The following SYCP1 variants were observed in gnomAD, a reference collection of about 807,000 sequenced individuals.
SYCP1 encodes cancer/testis antigen 8.
In SYCP1, 64 loss-of-function variants were observed where a neutral mutation model predicts 153.1. That is an observed-to-expected ratio of 0.42 (90% CI 0.34 to 0.51). The LOEUF (loss-of-function observed/expected upper bound fraction) is 0.51, where lower values mean the gene tolerates loss of function less well. Among genes scored for constraint, SYCP1 ranks in the 20% least tolerant of loss-of-function variants. The pLI is 0.06. For synonymous variants in SYCP1, 384 were observed against 341.8 expected (o/e 1.12, Z -1.36); for missense variants, 997 against 1,049.0 (o/e 0.95, Z 0.68).
chr1:114,924,042 A>G (rs1048848658), intron 21 of SYCP1, among the ~76,000 whole-genome samples: 1 of 152,170 alleles, frequency 6.6e-6, no homozygotes, highest in Non-Finnish European at 1.5e-5. Context: ...TTTTTCATTC[A>G]TTCAACAAAT....
At chr1:114,890,133 C>T (rs1292562340) in intron 15 of SYCP1, among the ~76,000 whole-genome samples, 1 of 151,682 alleles carries the variant, frequency 6.6e-6, no homozygotes, top group African/African-American at 2.4e-5. Context: ...TTTAGCATTG[C>T]CTTAGATGTT....
intron 30 of SYCP1, 31 bp from the exon 31 acceptor site, chr1:114,994,667 C>A: frequency 6.8e-7 from 1 of 1,480,076 alleles, no homozygotes; most frequent in Non-Finnish European, 9.1e-7. Flanking sequence ...GATGGTAAAC[C>A]CAACATCATA....
intron 23 of SYCP1, among the ~76,000 whole-genome samples, chr1:114,935,645 A>G (rs370589318): frequency 6.6e-6 from 1 of 152,190 alleles, no homozygotes; most frequent in African/African-American, 2.4e-5. Context: ...AACAAAATTG[A>G]CAGACTGCTA....
chr1:114,933,231 G>C (rs1454714189), intron 23 of SYCP1, among the ~76,000 whole-genome samples: 2 of 152,198 alleles, frequency 1.3e-5, no homozygotes. Flanking sequence ...AACATTTGCT[G>C]TTCAGCAATA....
intron 23 of SYCP1, among the ~76,000 whole-genome samples, chr1:114,940,330 C>T (rs577787695): frequency 3.0e-4 from 45 of 152,256 alleles, no homozygotes; most frequent in Non-Finnish European, 6.0e-4. Context: ...CTCTTGGCCT[C>T]AAGTGATCTG....
intron 8 of SYCP1, among the ~76,000 whole-genome samples, chr1:114,872,000 CTTTTTCTTTTTT>C (rs1665173569): frequency 7.3e-6 from 1 of 136,574 alleles, no homozygotes; most frequent in Non-Finnish European, 1.6e-5. Flanking sequence ...TTTTTTCTTT[CTTTTTCTTTTTT>C]TTTTTTTTTG....
At chr1:114,930,328 A>G (rs1014236876) in intron 23 of SYCP1, among the ~76,000 whole-genome samples, 9 of 152,024 alleles carry the variant, frequency 5.9e-5, no homozygotes, top group Non-Finnish European at 1.3e-4. Context: ...TTAGAATAAG[A>G]CATATCAAAT....
intron 30 of SYCP1, among the ~76,000 whole-genome samples, chr1:114,987,364 T>C (rs1187134871): frequency 6.6e-6 from 1 of 151,966 alleles, no homozygotes; most frequent in Non-Finnish European, 1.5e-5. Flanking sequence ...AATATTCAAA[T>C]GTCCAGTTTT....
At chr1:114,907,485 G>C (rs1463422144) in intron 16 of SYCP1, among the ~76,000 whole-genome samples, 1 of 151,386 alleles carries the variant, frequency 6.6e-6, no homozygotes, top group African/African-American at 2.4e-5. Context: ...ATACTTCTCT[G>C]CATTTATTTT....
rs78805495 is a variant in SYCP1 at position 114,953,035 on chromosome 1, A to G, written c.2322+5715A>G. ...AGAGAGAGAAATGACCTGTCTTCAT[A>G]TGGTGGAAGATAAAAAGGCAAAGAA... On this transcript the variant is annotated intron_variant, in intron 27 of 31. Coordinates refer to ENST00000369522, the MANE Select transcript of SYCP1 (RefSeq NM_003176.4). 2.0e-5 allele frequency among the ~76,000 whole-genome samples: 3 copies of G among 152,316 alleles called. No individual in the cohort carries two copies. In the East Asian group the frequency reaches 5.8e-4, roughly 29 times the overall value.
At position 114,981,614 on chromosome 1, in the gene SYCP1, T is replaced by A. The variant is rs1375837758; in HGVS notation, c.2559+102T>A. 14 of 1,075,940 alleles carry A rather than the reference T, an allele frequency of 1.3e-5. No individual in the cohort carries two copies. In the East Asian group the frequency reaches 4.0e-4, roughly 31 times the overall value. 66.6% of individuals were successfully genotyped at this position (1,075,940 alleles called of 1,614,324 possible). A position where few individuals can be genotyped will look rare whatever the true frequency, so the allele number is the denominator to read the frequency against. ...GCATCACGCACACATATATAACTAGTTTCTTGAAAGTTTCAATTTTTTTTG... is the reference window on the plus strand; with the variant it reads ...GCATCACGCACACATATATAACTAGATTCTTGAAAGTTTCAATTTTTTTTG... On this transcript the variant is annotated intron_variant, in intron 29 of 31. Coordinates refer to ENST00000369522, the MANE Select transcript of SYCP1 (RefSeq NM_003176.4).
At chr1:114,872,447 T>G (rs56176757) in intron 8 of SYCP1, among the ~76,000 whole-genome samples, 9,263 of 152,260 alleles carry the variant, frequency 0.061, 321 homozygotes, top group Middle Eastern at 0.14. Context: ...GGTAAAATGT[T>G]TTTTTCCTCT....
intron 15 of SYCP1, among the ~76,000 whole-genome samples, chr1:114,893,336 T>TTATCTGTATCTCCATCTG (rs1264364630): frequency 6.6e-6 from 1 of 152,142 alleles, no homozygotes; most frequent in African/African-American, 2.4e-5. Context: ...ATCTCTATCT[T>TTATCTGTATCTCCATCTG]TATCTGTATC....
chr1:114,857,157 A>AAAAAAAAAAAAAAT, intron 3 of SYCP1, 75 bp from the exon 4 acceptor site: 1 of 880,802 alleles, frequency 1.1e-6, no homozygotes, highest in Non-Finnish European at 1.6e-6. Context: ...AAAAAAAAAA[A>AAAAAAAAAAAAAAT]GAGAAAAAAG....
intron 27 of SYCP1, among the ~76,000 whole-genome samples, chr1:114,953,502 A>G (rs1424921039): frequency 6.6e-6 from 1 of 152,214 alleles, no homozygotes; most frequent in Non-Finnish European, 1.5e-5. Context: ...TAAAGCGTGA[A>G]GTTCAGTTTT....
At chr1:114,973,328 T>A (rs1418245090) in intron 27 of SYCP1, among the ~76,000 whole-genome samples, 2 of 152,044 alleles carry the variant, frequency 1.3e-5, no homozygotes, top group Non-Finnish European at 2.9e-5. Flanking sequence ...GTTGTGGTTG[T>A]GCTTCCTTTC....
chr1:114,966,595 G>C (rs1672143723), intron 27 of SYCP1, among the ~76,000 whole-genome samples: 1 of 151,040 alleles, frequency 6.6e-6, no homozygotes, highest in African/African-American at 2.4e-5. Context: ...CCTTAATTTT[G>C]TTACTTACCC....
At chr1:114,974,562 A>G (rs1375717904) in intron 27 of SYCP1, among the ~76,000 whole-genome samples, 1 of 151,804 alleles carries the variant, frequency 6.6e-6, no homozygotes, top group African/African-American at 2.4e-5. Context: ...GATTTTGAAT[A>G]CTTTATATGA....
chr1:114,868,864 A>G (rs1465318901), intron 8 of SYCP1, among the ~76,000 whole-genome samples: 1 of 152,158 alleles, frequency 6.6e-6, no homozygotes, highest in African/African-American at 2.4e-5. Context: ...CTTCATTTTA[A>G]CATCCATGAG....
Sources: allele counts gnomAD v4.1 joint callset (sites outside exome capture counted in the v4.1 genomes callset), GRCh38; gene constraint gnomAD v4.1.1; transcripts MANE v1.5; gene names NCBI Gene and HGNC (gene_info 2026-07-23, HGNC 2026-07-21).